Variants in IL1RAP observed in about 807,000 individuals in gnomAD.
IL1RAP encodes the protein interleukin-1 receptor accessory protein.
In IL1RAP, 35 loss-of-function variants were observed where a neutral mutation model predicts 60.7. The ratio of observed to expected loss-of-function variants is 0.58; its 90% confidence interval spans 0.44 to 0.76. The LOEUF (loss-of-function observed/expected upper bound fraction) is 0.76. IL1RAP is among the 30% of genes least tolerant of loss of function. The probability of loss-of-function intolerance (pLI) is 0.00; values close to 1 mark genes in which losing one functional copy is unlikely to be tolerated. For missense variants in IL1RAP, 572 were observed against 693.9 expected (o/e 0.82, Z 1.97); for synonymous variants, 268 against 250.9 (o/e 1.07, Z -0.64).
intron 3 of IL1RAP, among the ~76,000 whole-genome samples, chr3:190,578,988 G>A (rs1253082240): frequency 2.0e-5 from 3 of 152,008 alleles, no homozygotes; most frequent in Non-Finnish European, 4.4e-5. Context: ...ATTTGGGTGG[G>A]GACACAGCCA....
At chr3:190,584,492 G>C (rs1728276694) in intron 3 of IL1RAP, among the ~76,000 whole-genome samples, 1 of 152,200 alleles carries the variant, frequency 6.6e-6, no homozygotes, top group Non-Finnish European at 1.5e-5. Context: ...TTCAATGAAT[G>C]AGAGTCCAGC....
At chr3:190,627,143 C>T (rs1034670439) in intron 7 of IL1RAP, among the ~76,000 whole-genome samples, 180 bp from the exon 8 acceptor site, 28 of 152,094 alleles carry the variant, frequency 1.8e-4, no homozygotes, top group African/African-American at 6.8e-4. Context: ...TAGAGAATTA[C>T]TCATAAGCAG....
intron 5 of IL1RAP, among the ~76,000 whole-genome samples, chr3:190,609,729 G>A (rs1457477557): frequency 2.0e-5 from 3 of 152,122 alleles, no homozygotes; most frequent in African/African-American, 7.2e-5. Context: ...ATACACCAAA[G>A]CCGAAACCCC....
chr3:190,618,155 A>G (rs926292830), intron 5 of IL1RAP, among the ~76,000 whole-genome samples: 7 of 152,238 alleles, frequency 4.6e-5, no homozygotes, highest in African/African-American at 1.2e-4. Context: ...ATGAAGAGAC[A>G]CTATCAGGTG....
downstream of IL1RAP, among the ~76,000 whole-genome samples, chr3:190,651,985 C>T (rs1734424659): frequency 6.6e-6 from 1 of 152,144 alleles, no homozygotes; most frequent in African/African-American, 2.4e-5. Flanking sequence ...AACGCAACCA[C>T]ACGGTAGTTG....
At chr3:190,656,614 T>C in exon 12 of IL1RAP, 1 of 1,469,162 alleles carries the variant, frequency 6.8e-7, no homozygotes, top group Non-Finnish European at 9.1e-7. Flanking sequence ...ATAATTACTG[T>C]GTGTGGTGGG....
chr3:190,650,512 G>A lies in IL1RAP; in HGVS notation c.*1807G>A. ...CTGTAAATGAATCTTGGTATCCTGT[G>A]AAACAGAATAATTCGTAATTTAAGA... is the stretch of plus-strand genomic sequence containing the variant. On this transcript the variant is annotated 3_prime_UTR_variant, in exon 12 of 12. Transcript: ENST00000447382. 1.0e-6 allele frequency: 1 copy of A among 981,642 alleles called. No individual in the cohort carries two copies. The highest frequency in any genetic ancestry group is 1.2e-6 in the Non-Finnish European group (1 of 826,502). The allele number at this position is 981,642 out of a possible 1,614,324, so 60.8% of individuals were successfully genotyped here.
chr3:190,658,022 T>C (rs900954308), exon 12 of IL1RAP: 1 of 149,790 alleles, frequency 6.7e-6, no homozygotes. Flanking sequence ...GCCACTGCAC[T>C]CCAGACTTGG....
chr3:190,522,197 G>T (rs922530419), intron 1 of IL1RAP, among the ~76,000 whole-genome samples: 2 of 152,020 alleles, frequency 1.3e-5, no homozygotes, highest in South Asian at 4.1e-4. Flanking sequence ...TCGGAATCAG[G>T]CTGGGTTTGA....
intron 1 of IL1RAP, among the ~76,000 whole-genome samples, chr3:190,547,206 A>G (rs1724447935): frequency 6.6e-6 from 1 of 152,176 alleles, no homozygotes; most frequent in Non-Finnish European, 1.5e-5. Context: ...TTCTGATGAA[A>G]GGGGAATTGC....
intron 5 of IL1RAP, among the ~76,000 whole-genome samples, chr3:190,620,015 C>T (rs986785015): frequency 2.0e-5 from 3 of 152,126 alleles, no homozygotes; most frequent in African/African-American, 7.2e-5. Context: ...AGAATTTGAT[C>T]CTGAGACAGG....
intron 4 of IL1RAP, among the ~76,000 whole-genome samples, chr3:190,607,867 T>C (rs1577714824): frequency 2.0e-5 from 3 of 152,342 alleles, no homozygotes; most frequent in South Asian, 2.1e-4. Flanking sequence ...CCGATATGGC[T>C]CTGGATGGGC....
At chr3:190,577,423 C>T (rs778336684) in intron 3 of IL1RAP, among the ~76,000 whole-genome samples, 3 of 152,062 alleles carry the variant, frequency 2.0e-5, no homozygotes, top group Non-Finnish European at 4.4e-5. Context: ...GAGTTTTTAC[C>T]ACATGAAAAT....
At chr3:190,539,577 C>T (rs1304444471) in intron 1 of IL1RAP, among the ~76,000 whole-genome samples, 1 of 151,854 alleles carries the variant, frequency 6.6e-6, no homozygotes, top group Non-Finnish European at 1.5e-5. Flanking sequence ...ACTCGTATTC[C>T]AATACTTAAA....
chr3:190,564,226 A>T, intron 2 of IL1RAP, 63 bp from the exon 3 acceptor site: 1 of 995,818 alleles, frequency 1.0e-6, no homozygotes. Flanking sequence ...AATGCTAGTT[A>T]TTATTATTTA....
Position 190,649,671 on chromosome 3 carries a change from G to GTT in IL1RAP, c.*967_*968dup. The GTT allele has an allele frequency of 2.0e-6, 2 of 985,838 alleles. No individual in the cohort carries two copies. The highest frequency in any genetic ancestry group is 2.4e-6 in the Non-Finnish European group (2 of 829,924). 61.1% of individuals were successfully genotyped at this position (985,838 alleles called of 1,614,324 possible). Reference sequence around the variant, plus strand: ...AAGTGATTTTTTCTCACTCGTTTTTGTTGCTCCATTGTAAAGGGCGGAGGT... The same window carrying GTT: ...AAGTGATTTTTTCTCACTCGTTTTTGTTTTGCTCCATTGTAAAGGGCGGAGGT... On this transcript the variant is annotated 3_prime_UTR_variant, in exon 12 of 12. Coordinates refer to ENST00000447382, the MANE Select transcript of IL1RAP (RefSeq NM_002182.4).
At chr3:190,586,874 C>A (rs1338481667) in intron 3 of IL1RAP, among the ~76,000 whole-genome samples, 7 of 152,202 alleles carry the variant, frequency 4.6e-5, no homozygotes, top group Admixed American at 4.6e-4. Context: ...ATGTGATCTA[C>A]CCCGCTGCCT....
chr3:190,603,296 G>A (rs1052942579), intron 3 of IL1RAP, among the ~76,000 whole-genome samples: 21 of 152,218 alleles, frequency 1.4e-4, no homozygotes, highest in African/African-American at 5.1e-4. Flanking sequence ...ATGCAGCTCA[G>A]AAGGAATTTA....
chr3:190,622,344 A>G (rs1731850751), intron 6 of IL1RAP, among the ~76,000 whole-genome samples: 1 of 152,192 alleles, frequency 6.6e-6, no homozygotes, highest in South Asian at 2.1e-4. Context: ...TCTTCTATAC[A>G]AAGTAATTCT....
Sources: gnomAD v4.1 joint callset for allele counts (sites outside exome capture counted in the v4.1 genomes callset) on GRCh38, gnomAD v4.1.1 for gene constraint, MANE v1.5 for transcripts, NCBI Gene and HGNC (gene_info 2026-07-23, HGNC 2026-07-21) for gene names.